The following HAAO variants were observed in gnomAD, a reference collection of about 807,000 sequenced individuals.
HAAO encodes the protein 3-hydroxyanthranilate 3,4-dioxygenase.
Under a neutral mutation model 46.2 loss-of-function variants are expected in HAAO, and 49 were observed. The ratio of observed to expected loss-of-function variants is 1.06; its 90% CI spans 0.84 to 1.34. The LOEUF (loss-of-function observed/expected upper bound fraction) is 1.34. Ranked by LOEUF, HAAO falls within the 40% of genes most tolerant of loss-of-function variation. The pLI, the probability that HAAO is intolerant of heterozygous loss-of-function variation, is 0.00. For synonymous variants in HAAO, 157 were observed against 145.2 expected, an observed-to-expected ratio of 1.08 and a Z score of -0.58; for missense variants, 408 against 364.5, an observed-to-expected ratio of 1.12 and a Z score of -0.97.
chr2:42,778,257 A>G (rs367978836), intron 4 of HAAO, among the ~76,000 whole-genome samples: 91 of 152,290 alleles, frequency 6.0e-4, no homozygotes, highest in African/African-American at 2.2e-3. Context: ...ATCTCTCTGT[A>G]TGTGCTTTTA....
At chr2:42,769,958 C>G in intron 6 of HAAO, 100 bp from the exon 7 acceptor site, 1 of 1,314,334 alleles carries the variant, frequency 7.6e-7, no homozygotes, top group South Asian at 1.4e-5. Flanking sequence ...ATTGCCAGAA[C>G]AGGCTCTGTA....
At chr2:42,782,868 C>T (rs371134495) in intron 4 of HAAO, 41 of 461,542 alleles carry the variant, frequency 8.9e-5, no homozygotes, top group African/African-American at 6.0e-4. Context: ...ATATATTGAT[C>T]GGTGTCTCAT....
intron 1 of HAAO, chr2:42,789,168 T>C (rs983565353): frequency 6.3e-6 from 1 of 159,384 alleles, no homozygotes; most frequent in African/African-American, 2.4e-5. Flanking sequence ...TAACCTTATC[T>C]GTAAAATAGA....
chr2:42,791,277 A>G (rs1330966549), intron 1 of HAAO, among the ~76,000 whole-genome samples: 1 of 152,102 alleles, frequency 6.6e-6, no homozygotes, highest in Non-Finnish European at 1.5e-5. Context: ...AAGCAAGAAT[A>G]CCAATGATGC....
intron 7 of HAAO, among the ~76,000 whole-genome samples, chr2:42,768,628 G>A (rs757971315): frequency 6.6e-6 from 1 of 152,164 alleles, no homozygotes; most frequent in Non-Finnish European, 1.5e-5. Flanking sequence ...CCCATGGGAT[G>A]TGCCAGTGGC....
At chr2:42,786,365 C>G (rs1672384438) in intron 2 of HAAO, among the ~76,000 whole-genome samples, 1 of 152,112 alleles carries the variant, frequency 6.6e-6, no homozygotes, top group African/African-American at 2.4e-5. Flanking sequence ...GTTTGGGAGC[C>G]TGGGGCTGGC....
intron 7 of HAAO, 74 bp downstream of exon 7, chr2:42,769,639 G>C (rs1670950847): frequency 8.0e-7 from 1 of 1,256,680 alleles, no homozygotes. Flanking sequence ...GAGAGAGGCA[G>C]TGAGAGAGAG....
chr2:42,787,975 G>A (rs549964185), intron 2 of HAAO, among the ~76,000 whole-genome samples: 1 of 152,034 alleles, frequency 6.6e-6, no homozygotes, highest in South Asian at 2.1e-4. Flanking sequence ...GGGTTTTGCA[G>A]CCTCTAGTTA....
intron 8 of HAAO, 80 bp from the exon 9 acceptor site, chr2:42,767,757 C>T (rs1670775491): frequency 1.3e-6 from 2 of 1,540,280 alleles, no homozygotes. Context: ...TGCCTGGGCC[C>T]CAAGGCCCCA....
chr2:42,769,667 A>G, intron 7 of HAAO, 46 bp downstream of exon 7: 2 of 1,548,356 alleles, frequency 1.3e-6, no homozygotes, highest in Non-Finnish European at 1.7e-6. Flanking sequence ...CCCATTTTCC[A>G]GGGCTGCTGT....
chr2:42,788,753 C>G (rs2104671060), intron 1 of HAAO, 146 bp from the exon 2 acceptor site: 2 of 669,942 alleles, frequency 3.0e-6, no homozygotes, highest in African/African-American at 1.8e-5. Context: ...TTCCCCAACT[C>G]TCATCCCCGG....
chr2:42,786,118 T>C (rs1250599556), intron 2 of HAAO, among the ~76,000 whole-genome samples: 1 of 144,482 alleles, frequency 6.9e-6, no homozygotes, highest in Non-Finnish European at 1.5e-5. Flanking sequence ...AAAGGAAAAG[T>C]TGGGAGAGGG....
rs767863226 is a variant in HAAO at position 42,769,738 on chromosome 2, A to G, written c.605T>C (p.Leu202Pro). 6.8e-6 allele frequency: 11 copies of G among 1,613,106 alleles called. No homozygotes were observed. In the South Asian group the frequency reaches 9.9e-5, roughly 15 times the overall value. Residue 202 changes from leucine (L) to proline (P), a missense_variant, in exon 7 of 10, where the codon CTG (leucine) becomes CCG (proline). Leu to Pro is a moderately conservative substitution (Grantham distance 98, BLOSUM62 -3). Transcript: ENST00000294973. ...CTGGGTCTCATAGGTGTCCCCAAAC[A>G]GGCTGAGTGGTGTGCCTGCCTGCAG... Reference protein sequence around the residue: ...RELQAGTPLSLFGDTYETQVI... With the variant: ...RELQAGTPLSPFGDTYETQVI...
intron 1 of HAAO, among the ~76,000 whole-genome samples, chr2:42,791,964 GC>G (rs1672837022): frequency 6.6e-6 from 1 of 151,682 alleles, no homozygotes; most frequent in South Asian, 2.1e-4. Flanking sequence ...GCATAGAGGG[GC>G]CCTGAAAAAA....
intron 1 of HAAO, 104 bp downstream of exon 1, chr2:42,792,353 T>C (rs1312731945): frequency 6.1e-5 from 37 of 604,034 alleles, no homozygotes; most frequent in Non-Finnish European, 9.5e-5. Context: ...GCGGTCCTTC[T>C]GCAAGCTTCT....
intron 1 of HAAO, among the ~76,000 whole-genome samples, chr2:42,791,917 T>TGG (rs1177265896): frequency 5.5e-5 from 3 of 55,006 alleles, no homozygotes; most frequent in East Asian, 1.1e-3. Flanking sequence ...AGGGAGGGTC[T>TGG]GGTGTGGTGT....
chr2:42,784,055 C>A, intron 2 of HAAO, 188 bp from the exon 3 acceptor site: 1 of 622,658 alleles, frequency 1.6e-6, no homozygotes, highest in Non-Finnish European at 2.0e-6. Context: ...GCCGGGGACA[C>A]ATGGGATCAT....
At chr2:42,782,937 A>T in intron 4 of HAAO, 1 of 458,814 alleles carries the variant, frequency 2.2e-6, no homozygotes, top group Non-Finnish European at 4.3e-6. Flanking sequence ...ACATGTCATC[A>T]GGACCTCCTG....
chr2:42,777,324 G>GA (rs1455094351), intron 4 of HAAO, among the ~76,000 whole-genome samples: 10 of 115,418 alleles, frequency 8.7e-5, no homozygotes, highest in South Asian at 2.9e-4. Flanking sequence ...AAAAAAAAAA[G>GA]AAGAAAGAAA....
Sources: gnomAD v4.1 joint callset for allele counts (sites outside exome capture counted in the v4.1 genomes callset) on GRCh38, gnomAD v4.1.1 for gene constraint, MANE v1.5 for transcripts, NCBI Gene and HGNC (gene_info 2026-07-23, HGNC 2026-07-21) for gene names.